Variants in LRRC69 observed in about 807,000 individuals in gnomAD.
The protein encoded by LRRC69 is leucine-rich repeat-containing protein 69.
In LRRC69, 42 loss-of-function variants were observed where a neutral mutation model predicts 37.8. The observed-to-expected ratio is 1.11, with a 90% CI of 0.87 to 1.44. The LOEUF (loss-of-function observed/expected upper bound fraction) is 1.44. Among genes scored for constraint, LRRC69 ranks in the 40% most tolerant of loss-of-function variants. LRRC69 has a pLI of 0.00. For missense variants in LRRC69, 357 were observed against 401.9 expected (o/e 0.89, Z 0.96); for synonymous variants, 141 against 143.1 (o/e 0.99, Z 0.11).
At chr8:91,211,399 G>T (rs963018858) in intron 7 of LRRC69, among the ~76,000 whole-genome samples, 63 of 151,226 alleles carry the variant, frequency 4.2e-4, no homozygotes, top group African/African-American at 1.5e-3. Flanking sequence ...AGAAAATTGA[G>T]ATTTGAATAT....
At chr8:91,204,613 G>A (rs1809768414) in intron 7 of LRRC69, among the ~76,000 whole-genome samples, 1 of 152,222 alleles carries the variant, frequency 6.6e-6, no homozygotes, top group South Asian at 2.1e-4. Context: ...TGTTCCCAAG[G>A]ATCTCCAGAG....
At chr8:91,211,071 C>G (rs1809905967) in intron 7 of LRRC69, among the ~76,000 whole-genome samples, 1 of 151,654 alleles carries the variant, frequency 6.6e-6, no homozygotes, top group South Asian at 2.1e-4. Context: ...TAATAGATGC[C>G]AGAAAAAACA....
intron 1 of LRRC69, among the ~76,000 whole-genome samples, chr8:91,108,162 A>G (rs908345941): frequency 2.0e-5 from 3 of 152,090 alleles, no homozygotes; most frequent in Non-Finnish European, 4.4e-5. Context: ...TTATTTGGCC[A>G]TAAACAATTG....
intron 3 of LRRC69, 58 bp downstream of exon 3, chr8:91,127,218 C>A: frequency 2.3e-6 from 3 of 1,277,628 alleles, no homozygotes; most frequent in South Asian, 1.3e-5. Flanking sequence ...TATCCCCACC[C>A]TGGTCATTTG....
At chr8:91,159,465 A>G (rs1808897929) in intron 5 of LRRC69, among the ~76,000 whole-genome samples, 1 of 151,310 alleles carries the variant, frequency 6.6e-6, no homozygotes, top group Non-Finnish European at 1.5e-5. Context: ...AACTTGAACT[A>G]AAAATTTTTT....
chr8:91,179,426 A>T (rs973627795), intron 5 of LRRC69, among the ~76,000 whole-genome samples: 1 of 152,214 alleles, frequency 6.6e-6, no homozygotes, highest in African/African-American at 2.4e-5. Flanking sequence ...AGATGGTGCT[A>T]AACTGTTCAT....
chr8:91,146,092 C>T (rs1268589688), intron 5 of LRRC69, among the ~76,000 whole-genome samples: 2 of 151,710 alleles, frequency 1.3e-5, no homozygotes, highest in Admixed American at 1.3e-4. Flanking sequence ...ATAGGCTGGT[C>T]CTGAATGCCT....
chr8:91,162,277 G>A lies in LRRC69; in HGVS notation c.651+26538G>A, dbSNP rs116108620. The stretch of plus-strand genomic sequence containing the variant: ...ATGTCTGTTAGGTCCATTTGATTTT[G>A]TAGTGCAGTTTAAGTCTGATGTTTC... On this transcript the variant is annotated intron_variant, in intron 5 of 7. Coordinates refer to ENST00000448384, the Ensembl canonical transcript of LRRC69. Among the ~76,000 whole-genome samples, 827 of 151,466 alleles carry A rather than the reference G, an allele frequency of 5.5e-3. 12 individuals are homozygous for A. Among genetic ancestry groups the A allele is most frequent in the African/African-American group, 0.019 (802 of 41,454 alleles).
intron 5 of LRRC69, among the ~76,000 whole-genome samples, chr8:91,171,917 G>C (rs1586264017): frequency 1.3e-5 from 2 of 151,014 alleles, no homozygotes; most frequent in African/African-American, 4.9e-5. Context: ...GTGTATGTGA[G>C]TGTGAGGGCA....
At chr8:91,123,948 G>C (rs1449180091) in intron 1 of LRRC69, among the ~76,000 whole-genome samples, 2 of 151,868 alleles carry the variant, frequency 1.3e-5, no homozygotes, top group Non-Finnish European at 2.9e-5. Flanking sequence ...TCAATAGTTT[G>C]TTTTCTAAAT....
chr8:91,176,134 A>ATTTTTTTTTTTTTTT (rs771986461), intron 5 of LRRC69, among the ~76,000 whole-genome samples: 19 of 75,698 alleles, frequency 2.5e-4, no homozygotes, highest in African/African-American at 1.1e-3. Flanking sequence ...ATATATATAT[A>ATTTTTTTTTTTTTTT]TTTTTTTTTT....
chr8:91,200,897 A>G (rs1017984240), intron 7 of LRRC69, 105 bp downstream of exon 7: 1 of 1,053,876 alleles, frequency 9.5e-7, no homozygotes, highest in Non-Finnish European at 1.3e-6. Flanking sequence ...TGATTGGCTT[A>G]TAGGATAGTA....
At chr8:91,192,335 A>G (rs1193940194) in intron 6 of LRRC69, among the ~76,000 whole-genome samples, 4 of 152,104 alleles carry the variant, frequency 2.6e-5, no homozygotes, top group Non-Finnish European at 4.4e-5. Context: ...CAGCAGCATG[A>G]TTTATAGTCC....
intron 7 of LRRC69, among the ~76,000 whole-genome samples, chr8:91,209,912 T>C (rs556227588): frequency 6.6e-6 from 1 of 152,324 alleles, no homozygotes; most frequent in East Asian, 1.9e-4. Flanking sequence ...TCAACATCTT[T>C]ACTGAGTTCT....
At chr8:91,175,437 C>A (rs563969009) in intron 5 of LRRC69, among the ~76,000 whole-genome samples, 2 of 152,216 alleles carry the variant, frequency 1.3e-5, no homozygotes, top group Admixed American at 1.3e-4. Flanking sequence ...TGACATAATA[C>A]CTGTTCTATT....
At chr8:91,189,392 C>A in intron 5 of LRRC69, 130 bp from the exon 6 acceptor site, 1 of 630,572 alleles carries the variant, frequency 1.6e-6, no homozygotes, top group South Asian at 2.2e-5. Flanking sequence ...GGACTTAAAT[C>A]CACATTAGTA....
intron 5 of LRRC69, among the ~76,000 whole-genome samples, chr8:91,155,859 ATG>A (rs200415769): frequency 4.3e-5 from 6 of 138,922 alleles, no homozygotes; most frequent in African/African-American, 1.9e-4. Context: ...GTGAATATGT[ATG>A]TGTGTGTATA....
exon 8 of LRRC69, chr8:91,218,995 G>A: frequency 6.5e-7 from 1 of 1,536,480 alleles, no homozygotes; most frequent in Non-Finnish European, 8.8e-7. Flanking sequence ...AATTGCTCAG[G>A]TGTAGAACAG....
chr8:91,204,413 C>A (rs1333560141), intron 7 of LRRC69, among the ~76,000 whole-genome samples: 1 of 152,212 alleles, frequency 6.6e-6, no homozygotes, highest in Non-Finnish European at 1.5e-5. Context: ...AGGAGTAAAT[C>A]CACTGTGGAG....
Sources: gnomAD v4.1 joint callset for allele counts (sites outside exome capture counted in the v4.1 genomes callset) on GRCh38, gnomAD v4.1.1 for gene constraint, MANE v1.5 for transcripts, NCBI Gene and HGNC (gene_info 2026-07-23, HGNC 2026-07-21) for gene names.